Variants in SRBD1 observed in about 807,000 individuals in gnomAD.
SRBD1 encodes the protein S1 RNA-binding domain-containing protein 1.
SRBD1 carries 88 observed loss-of-function variants against 115.3 expected under a neutral mutation model. That is an observed-to-expected ratio of 0.76 (90% CI 0.64 to 0.91). SRBD1 has a LOEUF of 0.91. Among genes scored for constraint, SRBD1 ranks in the 40% least tolerant of loss-of-function variants. SRBD1 has a pLI of 0.00. For synonymous variants in SRBD1, 509 were observed against 407.7 expected (o/e 1.25, Z -2.99); for missense variants, 1,385 against 1,177.4 (o/e 1.18, Z -2.58).
chr2:45,556,741 G>C (rs1162324430), intron 10 of SRBD1, among the ~76,000 whole-genome samples: 1 of 152,082 alleles, frequency 6.6e-6, no homozygotes, highest in African/African-American at 2.4e-5. Flanking sequence ...GGGATTATAG[G>C]CGTGACCCAC....
At chr2:45,574,852 A>G (rs1433644618) in intron 7 of SRBD1, 129 bp from the exon 8 acceptor site, 12 of 744,658 alleles carry the variant, frequency 1.6e-5, no homozygotes, top group Admixed American at 3.0e-5. Flanking sequence ...TAAGACAGAA[A>G]GATATTGCAG....
intron 14 of SRBD1, among the ~76,000 whole-genome samples, chr2:45,488,791 C>T (rs1174695058): frequency 6.6e-6 from 1 of 151,398 alleles, no homozygotes; most frequent in Non-Finnish European, 1.5e-5. Context: ...CACATGCAGA[C>T]ATACAAAAAA....
intron 16 of SRBD1, among the ~76,000 whole-genome samples, chr2:45,423,702 C>T (rs908380737): frequency 5.3e-5 from 8 of 152,058 alleles, no homozygotes; most frequent in African/African-American, 1.4e-4. Context: ...ATGAGGCCAG[C>T]ATTACCCTGA....
intron 15 of SRBD1, among the ~76,000 whole-genome samples, chr2:45,478,908 T>G (rs1280638293): frequency 6.6e-6 from 1 of 152,180 alleles, no homozygotes; most frequent in African/African-American, 2.4e-5. Flanking sequence ...GCGGCAACCC[T>G]GAGTTGGGCA....
rs1160542688 is a variant in SRBD1, at chr2:45,574,641, G to C, written c.1155C>G (p.Asp385Glu). 1 of 1,613,326 alleles carries C rather than the reference G, an allele frequency of 6.2e-7. No individual in the cohort carries two copies. The highest frequency in any genetic ancestry group is 8.5e-7 in the Non-Finnish European group (1 of 1,179,686). Reference sequence around the variant, plus strand: ...GAGATACTCACAAGTTCCGAATGAAGTCAAGCGTGTCTTTGTCTTTAGCAA... The same window carrying C: ...GAGATACTCACAAGTTCCGAATGAACTCAAGCGTGTCTTTGTCTTTAGCAA... Reference protein sequence around the residue: ...DMIAKDKDTLDFIRNLCQKRH... With the variant: ...DMIAKDKDTLEFIRNLCQKRH... The change falls in exon 8 of 21, where the codon GAC becomes GAG. Residue 385 changes from aspartate (D) to glutamate (E), a missense_variant. Physicochemically the swap from Asp to Glu is conservative, Grantham distance 45. Transcript: ENST00000263736.
chr2:45,577,202 T>C (rs1307916579), intron 7 of SRBD1, among the ~76,000 whole-genome samples: 1 of 152,228 alleles, frequency 6.6e-6, no homozygotes, highest in African/African-American at 2.4e-5. Flanking sequence ...TCAAATTACA[T>C]TCCCCTTCTC....
At chr2:45,580,511 A>ATTTTTTTTTTTTT (rs1227093467) in intron 6 of SRBD1, among the ~76,000 whole-genome samples, 3 of 85,794 alleles carry the variant, frequency 3.5e-5, no homozygotes, top group African/African-American at 5.0e-5. Flanking sequence ...ACGTCCAGCT[A>ATTTTTTTTTTTTT]TTTTTTTTTT....
chr2:45,391,080 C>T (rs1397581053), intron 20 of SRBD1, among the ~76,000 whole-genome samples: 3 of 152,162 alleles, frequency 2.0e-5, no homozygotes, highest in African/African-American at 4.8e-5. Context: ...CTCTCTCTCT[C>T]TTTTCTTGGG....
At chr2:45,472,808 T>C (rs907746167) in intron 16 of SRBD1, among the ~76,000 whole-genome samples, 5 of 152,224 alleles carry the variant, frequency 3.3e-5, no homozygotes, top group African/African-American at 1.2e-4. Context: ...TCATACTTTC[T>C]TGGAAGACTG....
At chr2:45,476,247 G>T (rs140251247) in intron 16 of SRBD1, among the ~76,000 whole-genome samples, 1 of 151,994 alleles carries the variant, frequency 6.6e-6, no homozygotes, top group Non-Finnish European at 1.5e-5. Context: ...TCAAATGAGG[G>T]GGGTAGGGTT....
At chr2:45,470,310 A>G (rs542965744) in intron 16 of SRBD1, among the ~76,000 whole-genome samples, 33 of 152,288 alleles carry the variant, frequency 2.2e-4, no homozygotes, top group African/African-American at 7.7e-4. Flanking sequence ...TTGAGGTTTT[A>G]CTGTGAAAAA....
intron 14 of SRBD1, among the ~76,000 whole-genome samples, chr2:45,523,260 C>A (rs140729373): frequency 8.4e-4 from 124 of 147,914 alleles, no homozygotes; most frequent in African/African-American, 2.9e-3. Flanking sequence ...ACCCAACCTT[C>A]CACCCAAAAC....
intron 14 of SRBD1, among the ~76,000 whole-genome samples, chr2:45,507,964 C>A (rs1380703196): frequency 6.6e-6 from 1 of 151,992 alleles, no homozygotes; most frequent in Non-Finnish European, 1.5e-5. Context: ...ATGAACATAA[C>A]CTGGTCTAAT....
intron 16 of SRBD1, among the ~76,000 whole-genome samples, chr2:45,429,781 T>C (rs191531184): frequency 3.5e-4 from 53 of 152,330 alleles, no homozygotes; most frequent in African/African-American, 1.2e-3. Context: ...GTATTGGAAG[T>C]TCTGGCCACG....
chr2:45,416,590 T>G lies in SRBD1; in HGVS notation c.2333+1775A>C, dbSNP rs78422346. On this transcript the variant is annotated intron_variant, in intron 18 of 20. Coordinates refer to ENST00000263736, the MANE Select transcript of SRBD1 (RefSeq NM_018079.5). Reference sequence around the variant, plus strand: ...AAGACTGAAACAAATAAAGCAAGTTTCAAATAGTTGCAGAGCCTGATCCCT... The same window carrying G: ...AAGACTGAAACAAATAAAGCAAGTTGCAAATAGTTGCAGAGCCTGATCCCT... Among the ~76,000 whole-genome samples the G allele has an allele frequency of 5.6e-3, 853 of 152,312 alleles. 14 individuals carry two copies. Among genetic ancestry groups the G allele is most frequent in the African/African-American group, 0.019 (809 of 41,580 alleles).
rs1444016182 is a variant in SRBD1, at chr2:45,599,772, G to T, written c.325C>A (p.Gln109Lys). ...TTTGTCTTGGCTGTTTTCAGAGTCTGTACAGTATCCAATTTATTTTTTCTG... is the reference window on the plus strand; with the variant it reads ...TTTGTCTTGGCTGTTTTCAGAGTCTTTACAGTATCCAATTTATTTTTTCTG... ...EDRKNKLDTV[Q>K]TLKTAKTKQK... The change falls in exon 4 of 21, where the codon CAG becomes AAG. Residue 109 changes from glutamine (Q) to lysine (K), a missense_variant. Coordinates refer to ENST00000263736, the MANE Select transcript of SRBD1 (RefSeq NM_018079.5). The T allele has an allele frequency of 6.2e-6, 10 of 1,613,994 alleles. No individual in the cohort carries two copies. Among genetic ancestry groups the T allele is most frequent in the Non-Finnish European group, 8.5e-6 (10 of 1,180,030 alleles).
intron 19 of SRBD1, among the ~76,000 whole-genome samples, chr2:45,410,669 G>T (rs554556697): frequency 6.6e-6 from 1 of 152,214 alleles, no homozygotes; most frequent in Admixed American, 6.5e-5. Context: ...CAAGTGACTA[G>T]AGGGGTTGTC....
intron 7 of SRBD1, among the ~76,000 whole-genome samples, chr2:45,575,858 C>G (rs1673159020): frequency 6.6e-6 from 1 of 152,078 alleles, no homozygotes. Context: ...CACACACCAC[C>G]ACACCCAGCT....
intron 8 of SRBD1, among the ~76,000 whole-genome samples, chr2:45,574,412 C>CA (rs1673113536): frequency 6.6e-6 from 1 of 152,138 alleles, no homozygotes; most frequent in Non-Finnish European, 1.5e-5. Flanking sequence ...GGTGAGTAGG[C>CA]AGAGTTCCAG....
Sources: gnomAD v4.1 joint callset for allele counts (sites outside exome capture counted in the v4.1 genomes callset) on GRCh38, gnomAD v4.1.1 for gene constraint, MANE v1.5 for transcripts, NCBI Gene and HGNC (gene_info 2026-07-23, HGNC 2026-07-21) for gene names.